The following LUZP1 variants were observed in gnomAD, a reference collection of about 807,000 sequenced individuals.
LUZP1 encodes leucine zipper protein 1, also known as filamin mechanobinding actin cross-linking protein.
A neutral mutation model predicts 71.3 loss-of-function variants in LUZP1; 25 were observed. The observed-to-expected ratio is 0.35, with a 90% CI of 0.26 to 0.49. The LOEUF (loss-of-function observed/expected upper bound fraction) is 0.49, where lower values mean the gene tolerates loss of function less well. Among genes scored for constraint, LUZP1 ranks in the 20% least tolerant of loss-of-function variants. The pLI is 0.99. For missense variants in LUZP1, 1,142 were observed against 1,300.8 expected (o/e 0.88, Z 1.88); for synonymous variants, 481 against 506.4 (o/e 0.95, Z 0.67).
At chr1:23,160,957 G>A (rs1266606919) in intron 2 of LUZP1, among the ~76,000 whole-genome samples, 2 of 152,166 alleles carry the variant, frequency 1.3e-5, no homozygotes, top group African/African-American at 4.8e-5. Flanking sequence ...TTTTAGAGAA[G>A]AAAGATTAAC....
At position 23,128,926 on chromosome 1, in the gene LUZP1, C is replaced by T. The variant is rs534694276; in HGVS notation, c.-225-19799G>A. ...AGCTATAAAAGCTGTGCTTCTTAGG[C>T]GGAGCCAATAAACATTAACAGCATA... On this transcript the variant is annotated intron_variant, in intron 2 of 4. Transcript: ENST00000302291. Among the ~76,000 whole-genome samples the T allele has an allele frequency of 5.3e-5, 8 of 152,286 alleles. 1 individual carries two copies. The South Asian group carries it at 1.7e-3, about 32-fold the overall frequency.
At chr1:23,113,797 C>T (rs7548215) in intron 2 of LUZP1, among the ~76,000 whole-genome samples, 51,681 of 151,550 alleles carry the variant, frequency 0.34, 9,342 homozygotes, top group East Asian at 0.45. Flanking sequence ...GGAGAATCGC[C>T]TGAATCCGGG....
rs10578041 is a variant in LUZP1, at chr1:23,136,295, A to AACACACACACACACACAC, written c.-225-27186_-225-27169dup. On this transcript the variant is annotated intron_variant, in intron 2 of 4. Coordinates refer to ENST00000302291, the Ensembl canonical transcript of LUZP1. ...GCTGAGGCGGGCAGATTCCGTCTTA[A>AACACACACACACACACAC]ACACACACACACACACACACACACA... Among the ~76,000 whole-genome samples the AACACACACACACACACAC allele has an allele frequency of 2.3e-4, 30 of 130,164 alleles. No individual in the cohort carries two copies. In the East Asian group the frequency reaches 2.8e-3, roughly 12 times the overall value. The allele number at this position is 130,164 out of a possible 152,430, so 85.4% of individuals were successfully genotyped here. A position where few individuals can be genotyped will look rare whatever the true frequency, so the allele number is the denominator to read the frequency against.
rs1487297298 is a variant in LUZP1, at chr1:23,156,850, T to C, written c.-226+11916A>G. On this transcript the variant is annotated intron_variant, in intron 2 of 4. Transcript: ENST00000302291. Reference sequence around the variant, plus strand: ...AGTCTCCACCTTTTAGAATAACATTTCATTTGTGGCCAAAAACAATGCTGA... The same window carrying C: ...AGTCTCCACCTTTTAGAATAACATTCCATTTGTGGCCAAAAACAATGCTGA... Among the ~76,000 whole-genome samples the C allele has an allele frequency of 2.0e-5, 3 of 152,360 alleles. No individual in the cohort carries two copies. The East Asian group carries it at 5.8e-4, about 29-fold the overall frequency.
chr1:23,106,546 A>C lies in LUZP1; in HGVS notation c.-120+2476T>G, dbSNP rs144826380. On this transcript the variant is annotated intron_variant, in intron 3 of 4. Transcript: ENST00000302291. The stretch of plus-strand genomic sequence containing the variant: ...ACTGAGCCTGGGAGGTCGAAGCTAC[A>C]ATGAGCTGAGATCACACCACTATAC... Among the ~76,000 whole-genome samples the C allele has an allele frequency of 1.9e-3, 287 of 152,222 alleles. 5 individuals are homozygous for C. Among genetic ancestry groups the C allele is most frequent in the African/African-American group, 6.4e-3 (267 of 41,534 alleles).
intron 3 of LUZP1, among the ~76,000 whole-genome samples, chr1:23,107,977 A>C (rs1432523661): frequency 6.6e-6 from 1 of 152,078 alleles, no homozygotes; most frequent in African/African-American, 2.4e-5. Flanking sequence ...TATGACGAGA[A>C]CCCATTTCCC....
intron 2 of LUZP1, among the ~76,000 whole-genome samples, chr1:23,116,860 G>A (rs1644083531): frequency 6.6e-6 from 1 of 152,156 alleles, no homozygotes; most frequent in South Asian, 2.1e-4. Flanking sequence ...ACTGTTAAGT[G>A]CCCAGAGCAT....
At chr1:23,139,572 ATT>A (rs1269502955) in intron 2 of LUZP1, among the ~76,000 whole-genome samples, 1 of 151,994 alleles carries the variant, frequency 6.6e-6, no homozygotes, top group African/African-American at 2.4e-5. Context: ...TAGTAAATAT[ATT>A]TTCTCCTGCT....
At chr1:23,152,505 A>T (rs1335642835) in intron 2 of LUZP1, among the ~76,000 whole-genome samples, 3 of 151,988 alleles carry the variant, frequency 2.0e-5, no homozygotes, top group Non-Finnish European at 2.9e-5. Context: ...GTTAACTAAT[A>T]CCACAAATGT....
intron 2 of LUZP1, among the ~76,000 whole-genome samples, chr1:23,141,930 C>T (rs1270925429): frequency 2.0e-5 from 3 of 151,744 alleles, no homozygotes; most frequent in Non-Finnish European, 2.9e-5. Flanking sequence ...CTGCAACCTC[C>T]GCCTCCCGGG....
chr1:23,094,284 C>T lies in LUZP1; in HGVS notation c.-23G>A, dbSNP rs1557632640. The T allele has an allele frequency of 6.4e-7, 1 of 1,555,166 alleles. No homozygotes were observed. The highest frequency in any genetic ancestry group is 1.3e-5 in the South Asian group (1 of 80,000). On this transcript the variant is annotated 5_prime_UTR_variant, in exon 4 of 5. Coordinates refer to ENST00000302291, the Ensembl canonical transcript of LUZP1. The surrounding 1 kb of genome is among the most constrained non-coding windows in gnomAD (Gnocchi z 4.7). ...CATGTCTACTGCCAGCCAATGTGGGCTCCTAGAGGCATCCAATTCCACTCA... is the reference window on the plus strand; with the variant it reads ...CATGTCTACTGCCAGCCAATGTGGGTTCCTAGAGGCATCCAATTCCACTCA...
chr1:23,121,750 G>A (rs887711880), intron 2 of LUZP1, among the ~76,000 whole-genome samples: 2 of 152,024 alleles, frequency 1.3e-5, no homozygotes, highest in African/African-American at 2.4e-5. Flanking sequence ...GGTGGCTCAC[G>A]CCTGTAATCT....
intron 1 of LUZP1, among the ~76,000 whole-genome samples, chr1:23,169,988 A>C (rs930077199): frequency 7.9e-5 from 12 of 151,980 alleles, no homozygotes; most frequent in African/African-American, 2.7e-4. Context: ...ACACACACAC[A>C]CACACACACA....
At chr1:23,168,412 T>C (rs963628154) in intron 2 of LUZP1, among the ~76,000 whole-genome samples, 1 of 121,026 alleles carries the variant, frequency 8.3e-6, no homozygotes, top group African/African-American at 3.0e-5. Context: ...CCCTCGAAAA[T>C]GTCTCCTCCG....
chr1:23,130,425 A>G (rs540274947), intron 2 of LUZP1, among the ~76,000 whole-genome samples: 1 of 152,152 alleles, frequency 6.6e-6, no homozygotes, highest in Non-Finnish European at 1.5e-5. Context: ...GTACAATATT[A>G]TGAATATAAT....
intron 2 of LUZP1, among the ~76,000 whole-genome samples, chr1:23,151,879 G>A (rs1644387533): frequency 6.6e-6 from 1 of 151,868 alleles, no homozygotes; most frequent in Admixed American, 6.6e-5. Flanking sequence ...GCACATACCT[G>A]TAGTCCCAGC....
intron 2 of LUZP1, among the ~76,000 whole-genome samples, chr1:23,163,396 AAT>A (rs1644484789): frequency 1.3e-5 from 2 of 151,638 alleles, no homozygotes. Context: ...AAAAAAAAAA[AAT>A]GTTTCTTAAT....
intron 3 of LUZP1, among the ~76,000 whole-genome samples, chr1:23,098,722 A>G (rs1368391364): frequency 3.3e-5 from 5 of 152,212 alleles, no homozygotes; most frequent in Non-Finnish European, 2.9e-5. Flanking sequence ...GTGAAGAAAC[A>G]GTCTGAGACA....
chr1:23,169,193 T>C (rs1343442313), intron 1 of LUZP1, among the ~76,000 whole-genome samples: 4 of 151,994 alleles, frequency 2.6e-5, no homozygotes, highest in Admixed American at 2.6e-4. Flanking sequence ...ACCCCATCTC[T>C]ATAAAAAATA....
Sources: gnomAD v4.1 joint callset for allele counts (sites outside exome capture counted in the v4.1 genomes callset) on GRCh38, gnomAD v4.1.1 for gene constraint, Gnocchi (gnomAD v3.1) non-coding constraint, MANE v1.5 for transcripts, NCBI Gene and HGNC (gene_info 2026-07-23, HGNC 2026-07-21) for gene names.